OR6A2: variants seen among roughly 807,000 people sequenced by gnomAD.
OR6A2 encodes the protein olfactory receptor family 6 subfamily A member 2.
Under a neutral mutation model 7.1 loss-of-function variants are expected in OR6A2, and 6 were observed. That is an observed-to-expected ratio of 0.85 (90% CI 0.46 to 1.68). The LOEUF is 1.68. Ranked by LOEUF, OR6A2 falls within the 40% of genes most tolerant of loss-of-function variation. The pLI is 0.01. For synonymous variants in OR6A2, 162 were observed against 152.1 expected (o/e 1.06, Z -0.48); for missense variants, 431 against 398.0 (o/e 1.08, Z -0.71).
rs908945354 is a variant in OR6A2 at position 6,792,723 on chromosome 11, G to A, written c.*2002C>T. Reference sequence around the variant, plus strand: ...TCAGTTACATAAATGGAGGATGGGGGATACTTAATCTGATAATCAATACTT... The same window carrying A: ...TCAGTTACATAAATGGAGGATGGGGAATACTTAATCTGATAATCAATACTT... On this transcript the variant is annotated 3_prime_UTR_variant, in exon 2 of 2. Coordinates refer to ENST00000641196, the MANE Select transcript of OR6A2 (RefSeq NM_003696.3). 1.3e-5 allele frequency: 2 copies of A among 152,146 alleles called. No individual in the cohort carries two copies. The highest frequency in any genetic ancestry group is 2.9e-5 in the Non-Finnish European group (2 of 68,004). 9.4% of individuals were successfully genotyped at this position (152,146 alleles called of 1,614,324 possible). A position where few individuals can be genotyped will look rare whatever the true frequency, so the allele number is the denominator to read the frequency against.
rs1564904955 is a variant in OR6A2 at position 6,795,449 on chromosome 11, A to G, written c.260T>C (p.Val87Ala). The change falls in exon 2 of 2, where the codon GTT becomes GCT. Residue 87 changes from valine to alanine, a missense_variant. Coordinates refer to ENST00000641196, the MANE Select transcript of OR6A2 (RefSeq NM_003696.3). ...CTGTCCATGATCCTGTTTGGATCCA[A>G]CAAAGCCAGCAAGCATCTTGGGAAT... ...VTIPKMLAGF[V>A]GSKQDHGQLI... 6.2e-7 allele frequency: 1 copy of G among 1,614,160 alleles called. No homozygotes were observed. The highest frequency in any genetic ancestry group is 1.3e-5 in the African/African-American group (1 of 75,052).
chr11:6,798,825 T>C (rs1266486356), intron 1 of OR6A2, among the ~76,000 whole-genome samples: 2 of 152,224 alleles, frequency 1.3e-5, no homozygotes, highest in Admixed American at 6.5e-5. Flanking sequence ...CATATTTCTA[T>C]ACACTAGATT....
At chr11:6,796,083 G>C (rs576526571) in intron 1 of OR6A2, among the ~76,000 whole-genome samples, 199 bp from the exon 2 acceptor site, 3 of 151,952 alleles carry the variant, frequency 2.0e-5, no homozygotes, top group Non-Finnish European at 4.4e-5. Context: ...TCTTTGAGTT[G>C]GATCATGACT....
chr11:6,793,258 A>G lies in OR6A2; in HGVS notation c.*1467T>C, dbSNP rs1191893931. The G allele has an allele frequency of 6.6e-6, 1 of 152,232 alleles. No individual in the cohort carries two copies. Among genetic ancestry groups the G allele is most frequent in the Non-Finnish European group, 1.5e-5 (1 of 68,036 alleles). The allele number at this position is 152,232 out of a possible 1,614,324, so 9.4% of individuals were successfully genotyped here. ...TATGCACATTATATTAAAACTTTTAATAAGTATGGGCTAGCAAATAATGCA... is the reference window on the plus strand; with the variant it reads ...TATGCACATTATATTAAAACTTTTAGTAAGTATGGGCTAGCAAATAATGCA... On this transcript the variant is annotated 3_prime_UTR_variant, in exon 2 of 2. Coordinates refer to ENST00000641196, the MANE Select transcript of OR6A2 (RefSeq NM_003696.3).
chr11:6,797,513 C>T (rs935517948), intron 1 of OR6A2, among the ~76,000 whole-genome samples: 7 of 152,270 alleles, frequency 4.6e-5, no homozygotes, highest in East Asian at 3.9e-4. Context: ...CTTTTGGCCT[C>T]GGACCTTCAT....
Position 6,795,396 on chromosome 11 carries a change from G to C in OR6A2, c.313C>G (p.Gln105Glu). ...CCCAAGCCAAGGAAAAAGTAGAGCT[G>C]TGTCATGCATCCCTCAAAGGAGATT... Reference protein sequence around the residue: ...QLISFEGCMTQLYFFLGLGCT... With the variant: ...QLISFEGCMTELYFFLGLGCT... The change falls in exon 2 of 2, where the codon CAG becomes GAG. Residue 105 changes from glutamine (Q) to glutamate (E), a missense_variant. Gln to Glu is a conservative substitution (Grantham distance 29). Transcript: ENST00000641196. The C allele has an allele frequency of 6.2e-7, 1 of 1,614,078 alleles. No individual in the cohort carries two copies. The highest frequency in any genetic ancestry group is 8.5e-7 in the Non-Finnish European group (1 of 1,179,996).
Position 6,792,378 on chromosome 11 carries a change from C to G in OR6A2, c.*2347G>C, listed in dbSNP as rs926888787. 1 of 152,176 alleles carries G rather than the reference C, an allele frequency of 6.6e-6. No individual in the cohort carries two copies. The highest frequency in any genetic ancestry group is 6.5e-5 in the Admixed American group (1 of 15,276). 9.4% of individuals were successfully genotyped at this position (152,176 alleles called of 1,614,324 possible). On this transcript the variant is annotated 3_prime_UTR_variant, in exon 2 of 2. Coordinates refer to ENST00000641196, the MANE Select transcript of OR6A2 (RefSeq NM_003696.3). ...AAACTTAAAAGGCAGACTGAGAAATCTGGAGTTTACTCAACATTGGAAACC... is the reference window on the plus strand; with the variant it reads ...AAACTTAAAAGGCAGACTGAGAAATGTGGAGTTTACTCAACATTGGAAACC...
In OR6A2 at chr11:6,795,516, C is replaced by T; in HGVS notation, c.193G>A (p.Ala65Thr). ...TLHKPMYFFLANMSFLEIWYV... is the reference protein window; with the variant it reads ...TLHKPMYFFLTNMSFLEIWYV... ...CAGATCTCCAGAAAGGACATATTAGCTAGAAAAAAGTACATGGGTTTGTGG... is the reference window on the plus strand; with the variant it reads ...CAGATCTCCAGAAAGGACATATTAGTTAGAAAAAAGTACATGGGTTTGTGG... The change falls in exon 2 of 2, where the codon GCT becomes ACT. Residue 65 changes from alanine (A) to threonine (T), a missense_variant. Physicochemically the swap from Ala to Thr is moderately conservative, Grantham distance 58. Transcript: ENST00000641196. 2 of 1,614,058 alleles carry T rather than the reference C, an allele frequency of 1.2e-6. No homozygotes were observed.
chr11:6,795,294 C>A lies in OR6A2; in HGVS notation c.415G>T (p.Val139Phe). The change falls in exon 2 of 2, where the codon GTC becomes TTC. Residue 139 changes from valine (V) to phenylalanine (F), a missense_variant. Val to Phe is a conservative substitution (Grantham distance 50, BLOSUM62 -1). Coordinates refer to ENST00000641196, the MANE Select transcript of OR6A2 (RefSeq NM_003696.3). The stretch of plus-strand genomic sequence containing the variant: ...ACACACAGCCGGCCACTGACAATGA[C>A]TGGGTAGTGGAGAGGATAGCAGATG... The part of the protein sequence containing the change: ...MAICYPLHYP[V>F]IVSGRLCVQM... 1 of 1,614,030 alleles carries A rather than the reference C, an allele frequency of 6.2e-7. No homozygotes were observed. Among genetic ancestry groups the A allele is most frequent in the Non-Finnish European group, 8.5e-7 (1 of 1,180,012 alleles).
Position 6,795,288 on chromosome 11 carries a change from C to T in OR6A2, c.421G>A (p.Val141Ile). 1 of 1,614,054 alleles carries T rather than the reference C, an allele frequency of 6.2e-7. No individual in the cohort carries two copies. The highest frequency in any genetic ancestry group is 8.5e-7 in the Non-Finnish European group (1 of 1,180,014). The change falls in exon 2 of 2, where the codon GTC becomes ATC. Residue 141 changes from valine to isoleucine, a missense_variant. Val to Ile is a conservative substitution (Grantham distance 29). Transcript: ENST00000641196. ...ATCTGCACACACAGCCGGCCACTGA[C>T]AATGACTGGGTAGTGGAGAGGATAG... ...ICYPLHYPVI[V>I]SGRLCVQMAA...
chr11:6,793,924 G>C lies in OR6A2; in HGVS notation c.*801C>G, dbSNP rs1325706911. ...AATGGTTGCAATATTTTTAGGATTT[G>C]TAATACATATTTTCAAAATTTTTTT... On this transcript the variant is annotated 3_prime_UTR_variant, in exon 2 of 2. Coordinates refer to ENST00000641196, the MANE Select transcript of OR6A2 (RefSeq NM_003696.3). 4 of 152,104 alleles carry C rather than the reference G, an allele frequency of 2.6e-5. No individual in the cohort carries two copies. Among genetic ancestry groups the C allele is most frequent in the African/African-American group, 9.7e-5 (4 of 41,418 alleles). 9.4% of individuals were successfully genotyped at this position (152,104 alleles called of 1,614,324 possible). A position where few individuals can be genotyped will look rare whatever the true frequency, so the allele number is the denominator to read the frequency against.
Position 6,795,554 on chromosome 11 carries a change from T to C in OR6A2, c.155A>G (p.Asn52Ser). 1 of 1,613,968 alleles carries C rather than the reference T, an allele frequency of 6.2e-7. No homozygotes were observed. The highest frequency in any genetic ancestry group is 8.5e-7 in the Non-Finnish European group (1 of 1,179,976). ...ENTLIIMAIR[N>S]HSTLHKPMYF... The stretch of plus-strand genomic sequence containing the variant: ...CATGGGTTTGTGGAGGGTAGAATGG[T>C]TCCTAATTGCCATAATGATGAGTGT... Residue 52 changes from asparagine (N) to serine (S), a missense_variant, in exon 2 of 2, where the codon AAC (asparagine) becomes AGC (serine). Transcript: ENST00000641196.
rs1847713076 is a variant in OR6A2, at chr11:6,793,598, A to G, written c.*1127T>C. 6.6e-6 allele frequency: 1 copy of G among 152,230 alleles called. No individual in the cohort carries two copies. The highest frequency in any genetic ancestry group is 1.5e-5 in the Non-Finnish European group (1 of 68,026). 9.4% of individuals were successfully genotyped at this position (152,230 alleles called of 1,614,324 possible). The stretch of plus-strand genomic sequence containing the variant: ...TTACAGGTGTAAGCAGTCCAGCATT[A>G]TCTAGCCAGCATTTTAGTCATATTC... On this transcript the variant is annotated 3_prime_UTR_variant, in exon 2 of 2. Transcript: ENST00000641196.
chr11:6,796,030 C>A, intron 1 of OR6A2, 146 bp from the exon 2 acceptor site: 1 of 243,328 alleles, frequency 4.1e-6, no homozygotes, highest in East Asian at 7.7e-5. Flanking sequence ...AGATCAAAAC[C>A]AAAAAATTGA....
rs1371891091 is a variant in OR6A2, at chr11:6,793,496, G to T, written c.*1229C>A. On this transcript the variant is annotated 3_prime_UTR_variant, in exon 2 of 2. Coordinates refer to ENST00000641196, the MANE Select transcript of OR6A2 (RefSeq NM_003696.3). Reference sequence around the variant, plus strand: ...CCATCTCCCTGTCCAGATAAATAAAGTTATATATAATATGGGCTAAGAAAA... The same window carrying T: ...CCATCTCCCTGTCCAGATAAATAAATTTATATATAATATGGGCTAAGAAAA... 6.6e-6 allele frequency: 1 copy of T among 151,896 alleles called. No homozygotes were observed. The highest frequency in any genetic ancestry group is 1.5e-5 in the Non-Finnish European group (1 of 67,972). 9.4% of individuals were successfully genotyped at this position (151,896 alleles called of 1,614,324 possible).
intron 1 of OR6A2, among the ~76,000 whole-genome samples, chr11:6,798,002 C>G (rs1439139343): frequency 1.3e-5 from 2 of 151,904 alleles, no homozygotes; most frequent in African/African-American, 4.8e-5. Flanking sequence ...AGTGAGATTC[C>G]TGTGGTTACT....
chr11:6,795,514 A>G lies in OR6A2; in HGVS notation c.195T>C (p.Ala65=), dbSNP rs1847738290. 6.2e-7 allele frequency: 1 copy of G among 1,614,028 alleles called. No individual in the cohort carries two copies. The highest frequency in any genetic ancestry group is 1.7e-5 in the Admixed American group (1 of 59,982). The change falls in exon 2 of 2, where the codon GCT becomes GCC. Residue 65 remains alanine (A), a synonymous_variant. Coordinates refer to ENST00000641196, the MANE Select transcript of OR6A2 (RefSeq NM_003696.3). ...TLHKPMYFFL[A]NMSFLEIWYV... ...ACCAGATCTCCAGAAAGGACATATT[A>G]GCTAGAAAAAAGTACATGGGTTTGT...
intron 1 of OR6A2, 26 bp from the exon 2 acceptor site, chr11:6,795,910 G>GTT (rs34931384): frequency 0.025 from 10,929 of 441,384 alleles, no homozygotes; most frequent in Middle Eastern, 0.037. Context: ...AAAAATAAAT[G>GTT]TTTTTTTTTT....
chr11:6,793,973 A>G lies in OR6A2; in HGVS notation c.*752T>C, dbSNP rs1847716812. The G allele has an allele frequency of 6.6e-6, 1 of 152,198 alleles. No individual in the cohort carries two copies. Among genetic ancestry groups the G allele is most frequent in the African/African-American group, 2.4e-5 (1 of 41,442 alleles). 9.4% of individuals were successfully genotyped at this position (152,198 alleles called of 1,614,324 possible). The stretch of plus-strand genomic sequence containing the variant: ...TTCTGGCAAGGCTGAGCCAATTTGT[A>G]TCTCTCTGCATACTAGTAAAGTATG... On this transcript the variant is annotated 3_prime_UTR_variant, in exon 2 of 2. Coordinates refer to ENST00000641196, the MANE Select transcript of OR6A2 (RefSeq NM_003696.3).
Sources: gnomAD v4.1 joint callset for allele counts (sites outside exome capture counted in the v4.1 genomes callset) on GRCh38, gnomAD v4.1.1 for gene constraint, MANE v1.5 for transcripts, NCBI Gene and HGNC (gene_info 2026-07-23, HGNC 2026-07-21) for gene names.